The following VRK2 variants were observed in gnomAD, a reference collection of about 807,000 sequenced individuals.
VRK2 encodes VRK serine/threonine kinase 2.
VRK2 carries 60 observed loss-of-function variants against 57.6 expected under a neutral mutation model. The observed-to-expected ratio is 1.04, with a 90% confidence interval of 0.85 to 1.29. The LOEUF is 1.29. Among genes scored for constraint, VRK2 ranks in the 50% most tolerant of loss-of-function variants. The pLI, the probability that VRK2 is intolerant of heterozygous loss-of-function variation, is 0.00. For missense variants in VRK2, 705 were observed against 588.1 expected (o/e 1.20, Z -2.06); for synonymous variants, 231 against 199.2 (o/e 1.16, Z -1.35).
intron 12 of VRK2, among the ~76,000 whole-genome samples, chr2:58,151,883 A>C (rs555148907): frequency 2.5e-4 from 37 of 149,608 alleles, no homozygotes; most frequent in African/African-American, 8.8e-4. Flanking sequence ...ATTCACTTAC[A>C]TATTGTATTT....
intron 1 of VRK2, among the ~76,000 whole-genome samples, chr2:58,022,663 C>G (rs1673795045): frequency 6.6e-6 from 1 of 152,150 alleles, no homozygotes; most frequent in African/African-American, 2.4e-5. Context: ...ATCACTTGAG[C>G]AGAGGAGTTT....
chr2:58,122,642 T>C (rs1677692178), intron 7 of VRK2, among the ~76,000 whole-genome samples: 1 of 152,186 alleles, frequency 6.6e-6, no homozygotes, highest in Non-Finnish European at 1.5e-5. Flanking sequence ...TAAGTGGACC[T>C]GTGCAGTTCA....
intron 1 of VRK2, among the ~76,000 whole-genome samples, chr2:57,928,913 T>C (rs1363672253): frequency 3.9e-5 from 6 of 151,942 alleles, no homozygotes; most frequent in Admixed American, 3.9e-4. Flanking sequence ...ACAAGTGGAG[T>C]CTCTTTCTCC....
In VRK2 at chr2:58,116,429, A is replaced by G. The variant is rs866988834; in HGVS notation, c.544-6672A>G. Among the ~76,000 whole-genome samples the G allele has an allele frequency of 8.3e-3, 1,235 of 147,982 alleles. 11 individuals carry two copies. The highest frequency in any genetic ancestry group is 0.021 in the Admixed American group (309 of 14,908). On this transcript the variant is annotated intron_variant, in intron 7 of 12. Transcript: ENST00000340157. ...CTGGGCAGGTGGGGATAACTAAAAA[A>G]GAGTGCTTAAAAGAGTATTGTCTAA...
chr2:57,946,299 A>C (rs1671258499), intron 1 of VRK2, among the ~76,000 whole-genome samples: 1 of 152,014 alleles, frequency 6.6e-6, no homozygotes, highest in Non-Finnish European at 1.5e-5. Context: ...GCCATGAACA[A>C]CTCAGGACAA....
intron 1 of VRK2, 139 bp downstream of exon 1, chr2:58,047,007 G>C (rs983843839): frequency 1.0e-5 from 10 of 980,480 alleles, no homozygotes; most frequent in East Asian, 1.1e-4. Flanking sequence ...CCGGGCCTCA[G>C]CTCCGGCCCG....
At chr2:57,938,406 A>G (rs975263160) in intron 1 of VRK2, among the ~76,000 whole-genome samples, 1 of 152,216 alleles carries the variant, frequency 6.6e-6, no homozygotes, top group Admixed American at 6.5e-5. Flanking sequence ...AAAATTGGGT[A>G]CTGGAAGCAG....
intron 8 of VRK2, among the ~76,000 whole-genome samples, chr2:58,127,128 A>T (rs1678480281): frequency 6.6e-6 from 1 of 152,100 alleles, no homozygotes; most frequent in Non-Finnish European, 1.5e-5. Context: ...TCAAAGAAAT[A>T]AATATATTGC....
At chr2:57,948,271 T>G (rs532915026) in intron 1 of VRK2, among the ~76,000 whole-genome samples, 2 of 152,324 alleles carry the variant, frequency 1.3e-5, no homozygotes, top group East Asian at 3.9e-4. Flanking sequence ...ATAGTACTTC[T>G]AATTAACATT....
chr2:58,154,658 T>A, intron 12 of VRK2: 2 of 707,302 alleles, frequency 2.8e-6, no homozygotes, highest in South Asian at 3.0e-5. Context: ...CTTTGACCCA[T>A]TTAAAGGGGT....
chr2:57,972,143 T>C (rs932564550), intron 1 of VRK2, among the ~76,000 whole-genome samples: 12 of 151,948 alleles, frequency 7.9e-5, no homozygotes, highest in Admixed American at 2.0e-4. Flanking sequence ...TGGGAAATGG[T>C]ACTTAGAGGC....
chr2:58,060,904 A>G (rs1572897163), intron 2 of VRK2, among the ~76,000 whole-genome samples: 1 of 152,044 alleles, frequency 6.6e-6, no homozygotes, highest in South Asian at 2.1e-4. Context: ...GGCCAAATTG[A>G]ATGTCTCTTA....
intron 1 of VRK2, among the ~76,000 whole-genome samples, chr2:58,004,283 G>A (rs1465613866): frequency 1.3e-5 from 2 of 152,108 alleles, no homozygotes; most frequent in Admixed American, 6.6e-5. Context: ...TGAAGCCATA[G>A]AGGTACTAAG....
At chr2:58,082,141 G>A (rs567039085) in intron 2 of VRK2, among the ~76,000 whole-genome samples, 132 of 151,792 alleles carry the variant, frequency 8.7e-4, no homozygotes, top group South Asian at 4.2e-4. Context: ...AGTGATGACC[G>A]TAGAGATTTT....
At chr2:58,040,928 A>G in intron 3 of VRK2, 2 of 671,548 alleles carry the variant, frequency 3.0e-6, no homozygotes, top group Non-Finnish European at 3.7e-6. Flanking sequence ...CATGACACAC[A>G]GGAAAACTAT....
intron 10 of VRK2, among the ~76,000 whole-genome samples, chr2:58,137,165 T>TCATATATCA (rs1553422336): frequency 2.4e-3 from 12 of 4,900 alleles, no homozygotes; most frequent in Admixed American, 5.7e-3. Context: ...TTTATATATA[T>TCATATATCA]CATATATCAT....
intron 2 of VRK2, among the ~76,000 whole-genome samples, chr2:58,029,570 A>T (rs1674049704): frequency 6.6e-6 from 1 of 152,132 alleles, no homozygotes; most frequent in Admixed American, 6.6e-5. Flanking sequence ...ATAACTTGTG[A>T]GATCTCTCTG....
At chr2:57,918,007 T>C (rs1558491793) in intron 1 of VRK2, among the ~76,000 whole-genome samples, 1 of 152,144 alleles carries the variant, frequency 6.6e-6, no homozygotes, top group Non-Finnish European at 1.5e-5. Context: ...GACTTTGAGC[T>C]TTATTAACTA....
intron 5 of VRK2, among the ~76,000 whole-genome samples, chr2:58,087,696 A>G (rs1427648881): frequency 6.6e-6 from 1 of 152,172 alleles, no homozygotes; most frequent in Non-Finnish European, 1.5e-5. Flanking sequence ...AAACAAATAT[A>G]AAATTCATGT....
Sources: gnomAD v4.1 joint callset for allele counts (sites outside exome capture counted in the v4.1 genomes callset) on GRCh38, gnomAD v4.1.1 for gene constraint, MANE v1.5 for transcripts, NCBI Gene and HGNC (gene_info 2026-07-23, HGNC 2026-07-21) for gene names.